Variants in MRPL33 observed in about 807,000 individuals in gnomAD.
MRPL33 encodes the protein mitochondrial ribosomal protein L33.
Under a neutral mutation model 10.1 loss-of-function variants are expected in MRPL33, and 5 were observed. That is an observed-to-expected ratio of 0.49 (90% confidence interval 0.26 to 1.04). The LOEUF (loss-of-function observed/expected upper bound fraction) is 1.04. Ranked by LOEUF, MRPL33 falls within the 50% of genes least tolerant of loss-of-function variation. MRPL33 has a pLI of 0.14. For synonymous variants in MRPL33, 24 were observed against 27.7 expected (o/e 0.87, Z 0.42); for missense variants, 79 against 78.1 (o/e 1.01, Z -0.04).
At chr2:27,775,390 C>G (rs943823691) in intron 3 of MRPL33, among the ~76,000 whole-genome samples, 1 of 119,978 alleles carries the variant, frequency 8.3e-6, no homozygotes, top group Non-Finnish European at 1.6e-5. Flanking sequence ...CTCACTTTGT[C>G]GCCCAGGCTG....
chr2:27,776,034 G>A (rs994762985), intron 3 of MRPL33, among the ~76,000 whole-genome samples: 3 of 152,330 alleles, frequency 2.0e-5, no homozygotes, highest in Middle Eastern at 3.4e-3. Context: ...ATGAAAAAAT[G>A]TATTGGGCTT....
At chr2:27,771,862 G>A (rs1211962866) in intron 1 of MRPL33, 63 bp downstream of exon 1, 1 of 1,537,116 alleles carries the variant, frequency 6.5e-7, no homozygotes, top group African/African-American at 1.4e-5. Flanking sequence ...TGACAGGCAG[G>A]GCCCCGGAAT....
chr2:27,773,202 A>G (rs930321049), intron 2 of MRPL33, among the ~76,000 whole-genome samples: 4 of 152,258 alleles, frequency 2.6e-5, no homozygotes, highest in Non-Finnish European at 5.9e-5. Context: ...AGAGACTAGA[A>G]CTACCAAACT....
At chr2:27,772,940 C>A in intron 2 of MRPL33, 1 of 469,664 alleles carries the variant, frequency 2.1e-6, no homozygotes, top group Middle Eastern at 5.8e-4. Flanking sequence ...TTTTCTAGTC[C>A]CAGGATTTGT....
intron 3 of MRPL33, among the ~76,000 whole-genome samples, chr2:27,778,288 T>C (rs1677212879): frequency 6.6e-6 from 1 of 152,188 alleles, no homozygotes. Context: ...CCATATTGAC[T>C]GTAGAAGAAA....
Position 27,779,423 on chromosome 2 carries a change from C to A in MRPL33, c.149-10C>A. The A allele has an allele frequency of 6.3e-7, 1 of 1,580,448 alleles. No individual in the cohort carries two copies. Among genetic ancestry groups the A allele is most frequent in the Non-Finnish European group, 8.5e-7 (1 of 1,170,596 alleles). On this transcript the variant is annotated splice_polypyrimidine_tract_variant and intron_variant, in intron 3 of 3. Coordinates refer to ENST00000296102, the MANE Select transcript of MRPL33 (RefSeq NM_004891.4). ...ATTTTCTGCCACAATTTTTTTTTCT[C>A]CCTCCATAGTGAAACAAAGAGTCCT...
rs1677076463 is a variant in MRPL33, at chr2:27,772,666, C to CA, written c.23-2dup. The CA allele has an allele frequency of 2.5e-6, 4 of 1,595,442 alleles. No homozygotes were observed. The highest frequency in any genetic ancestry group is 2.3e-5 in the South Asian group (2 of 88,876). Reference sequence around the variant, plus strand: ...TTTCTTTTCCAACCCTTCCTGTCTACAAAAAAGTTGCCAAGAGCAAGTCAA... The same window carrying CA: ...TTTCTTTTCCAACCCTTCCTGTCTACAAAAAAAGTTGCCAAGAGCAAGTCAA... On this transcript the variant is annotated splice_region_variant and splice_polypyrimidine_tract_variant and intron_variant, in intron 1 of 3. Transcript: ENST00000296102.
At chr2:27,771,835 C>T in intron 1 of MRPL33, 36 bp downstream of exon 1, 1 of 1,608,258 alleles carries the variant, frequency 6.2e-7, no homozygotes, top group Non-Finnish European at 8.5e-7. Flanking sequence ...GGGGTTACGG[C>T]GAGGGTTAGG....
rs1403034654 is a variant in MRPL33, at chr2:27,779,686, T to C, written c.*204T>C. ...ACAGATATCATTGCATCACATTTAT[T>C]TATCTTTCTGGGTATTTTTATAGCC... On this transcript the variant is annotated 3_prime_UTR_variant, in exon 4 of 4. Transcript: ENST00000296102. 4.1e-6 allele frequency: 4 copies of C among 967,002 alleles called. No individual in the cohort carries two copies. Among genetic ancestry groups the C allele is most frequent in the East Asian group, 2.8e-5 (1 of 35,924 alleles). The allele number at this position is 967,002 out of a possible 1,614,324, so 59.9% of individuals were successfully genotyped here. A position where few individuals can be genotyped will look rare whatever the true frequency, so the allele number is the denominator to read the frequency against.
At chr2:27,773,527 A>G (rs1267330187) in intron 2 of MRPL33, among the ~76,000 whole-genome samples, 1 of 152,178 alleles carries the variant, frequency 6.6e-6, no homozygotes, top group African/African-American at 2.4e-5. Flanking sequence ...GACATATTTC[A>G]TATATGTCTT....
intron 3 of MRPL33, among the ~76,000 whole-genome samples, chr2:27,777,748 G>T (rs1175358540): frequency 6.6e-6 from 1 of 152,082 alleles, no homozygotes; most frequent in Non-Finnish European, 1.5e-5. Context: ...ATGAATCAAA[G>T]AATTCTACTC....
intron 2 of MRPL33, 129 bp from the exon 3 acceptor site, chr2:27,774,294 AC>A (rs1412055452): frequency 5.5e-6 from 4 of 724,636 alleles, no homozygotes; most frequent in Non-Finnish European, 9.7e-6. Context: ...TTACAACTGA[AC>A]CTTTTAGGGC....
At chr2:27,775,083 T>G (rs915773558) in intron 3 of MRPL33, among the ~76,000 whole-genome samples, 1 of 152,202 alleles carries the variant, frequency 6.6e-6, no homozygotes, top group Non-Finnish European at 1.5e-5. Context: ...GTAGGAAATT[T>G]GATTTTTCCA....
At chr2:27,777,404 A>C in intron 3 of MRPL33, among the ~76,000 whole-genome samples, 1 of 139,364 alleles carries the variant, frequency 7.2e-6, no homozygotes, top group Admixed American at 7.6e-5. Context: ...ATCAAGACCC[A>C]TCCCTGTGGT....
At chr2:27,774,767 A>C (rs1297374002) in intron 3 of MRPL33, among the ~76,000 whole-genome samples, 1 of 152,236 alleles carries the variant, frequency 6.6e-6, no homozygotes, top group Non-Finnish European at 1.5e-5. Context: ...AAAAGATGAC[A>C]AATTATAAGT....
At chr2:27,772,938 T>C (rs771206815) in intron 2 of MRPL33, 11 of 471,280 alleles carry the variant, frequency 2.3e-5, no homozygotes, top group African/African-American at 4.0e-5. Flanking sequence ...GCTTTTCTAG[T>C]CCCAGGATTT....
intron 3 of MRPL33, among the ~76,000 whole-genome samples, chr2:27,777,681 C>A (rs907104085): frequency 3.3e-5 from 5 of 152,160 alleles, no homozygotes; most frequent in African/African-American, 4.8e-5. Flanking sequence ...CATTGCCTAG[C>A]ACAGTTCTAT....
In MRPL33 at chr2:27,779,471, C is replaced by A. The variant is rs763582483; in HGVS notation, c.187C>A (p.Arg63Ser). The change falls in exon 4 of 4, where the codon CGC becomes AGC. Residue 63 changes from arginine (R) to serine (S), a missense_variant. Physicochemically the swap from Arg to Ser is moderately radical, Grantham distance 110. Coordinates refer to ENST00000296102, the MANE Select transcript of MRPL33 (RefSeq NM_004891.4). ...CCTCTTCGTGGAAAAGAAAAAAATA[C>A]GCTCCCTTTAAACGGTGGATTGAAA... ...RVLFVEKKKI[R>S]SL 2 of 1,611,528 alleles carry A rather than the reference C, an allele frequency of 1.2e-6. No individual in the cohort carries two copies. Among genetic ancestry groups the A allele is most frequent in the Non-Finnish European group, 1.7e-6 (2 of 1,179,162 alleles).
At chr2:27,772,214 G>C (rs1677063405) in intron 1 of MRPL33, 1 of 253,562 alleles carries the variant, frequency 3.9e-6, no homozygotes, top group African/African-American at 2.2e-5. Context: ...GAAGTCCTCG[G>C]GCTCCCGAGT....
Sources: gnomAD v4.1 joint callset for allele counts (sites outside exome capture counted in the v4.1 genomes callset) on GRCh38, gnomAD v4.1.1 for gene constraint, MANE v1.5 for transcripts, NCBI Gene and HGNC (gene_info 2026-07-23, HGNC 2026-07-21) for gene names.